Variants in TEKT5 observed in about 807,000 individuals in gnomAD.
TEKT5 encodes tektin 5.
Under a neutral mutation model 48.7 loss-of-function variants are expected in TEKT5, and 52 were observed. The ratio of observed to expected loss-of-function variants is 1.07; its 90% confidence interval spans 0.86 to 1.35. TEKT5 has a LOEUF of 1.35. TEKT5 is among the 40% of genes most tolerant of loss of function. TEKT5 has a pLI of 0.00. For synonymous variants in TEKT5, 318 were observed against 267.6 expected (o/e 1.19, Z -1.84); for missense variants, 831 against 641.6 (o/e 1.30, Z -3.19).
At chr16:10,662,148 T>C (rs993379574) in intron 5 of TEKT5, among the ~76,000 whole-genome samples, 3 of 152,218 alleles carry the variant, frequency 2.0e-5, no homozygotes, top group Admixed American at 2.0e-4. Context: ...CTGTGCACTG[T>C]GGGATGTTTG....
intron 6 of TEKT5, among the ~76,000 whole-genome samples, chr16:10,634,791 C>T (rs1418037488): frequency 6.6e-6 from 1 of 152,122 alleles, no homozygotes; most frequent in Non-Finnish European, 1.5e-5. Flanking sequence ...AGCCAACAGC[C>T]AGCAAAGAAC....
rs149143924 is a variant in TEKT5, at chr16:10,661,716, T to G, written c.1086+14243A>C. Among the ~76,000 whole-genome samples the G allele has an allele frequency of 4.0e-3, 605 of 152,328 alleles. 3 individuals carry two copies. The highest frequency in any genetic ancestry group is 6.0e-3 in the South Asian group (29 of 4,822). On this transcript the variant is annotated intron_variant, in intron 5 of 6. Coordinates refer to ENST00000283025, the MANE Select transcript of TEKT5 (RefSeq NM_144674.2). ...GAGGCCAGTGGTATTCGGATTCCAG[T>G]GTGCCCACCTCACTACAATCCAGAG...
chr16:10,687,695 G>C (rs1898888242), intron 3 of TEKT5, among the ~76,000 whole-genome samples: 1 of 152,274 alleles, frequency 6.6e-6, no homozygotes, highest in African/African-American at 2.4e-5. Flanking sequence ...GGAGGTTGCA[G>C]TGAGCTGAGC....
intron 5 of TEKT5, among the ~76,000 whole-genome samples, chr16:10,649,313 G>A (rs900590234): frequency 6.6e-6 from 1 of 152,130 alleles, no homozygotes; most frequent in Admixed American, 6.5e-5. Context: ...GTCTTGCTAT[G>A]TTGCCCAGGC....
chr16:10,676,054 T>G lies in TEKT5; in HGVS notation c.991A>C (p.Met331Leu), dbSNP rs1402611933. ...TTGGTGTCTGTGAACTGCCTCCACATCTGATCCGACAAGGTCTCAAAGAGG... is the reference window on the plus strand; with the variant it reads ...TTGGTGTCTGTGAACTGCCTCCACAGCTGATCCGACAAGGTCTCAAAGAGG... ...EHLFETLSDQMWRQFTDTNLA... is the reference protein window; with the variant it reads ...EHLFETLSDQLWRQFTDTNLA... The change falls in exon 5 of 7, where the codon ATG becomes CTG. Residue 331 changes from methionine (M) to leucine (L), a missense_variant. Met to Leu is a conservative substitution (Grantham distance 15, BLOSUM62 2). Transcript: ENST00000283025. The G allele has an allele frequency of 1.2e-6, 2 of 1,614,190 alleles. No individual in the cohort carries two copies. The highest frequency in any genetic ancestry group is 1.7e-6 in the Non-Finnish European group (2 of 1,180,034).
chr16:10,643,340 T>C (rs148710538), intron 5 of TEKT5, among the ~76,000 whole-genome samples: 38 of 151,906 alleles, frequency 2.5e-4, no homozygotes, highest in East Asian at 7.8e-4. Flanking sequence ...GATGGCACCA[T>C]TGCACTGCAG....
intron 5 of TEKT5, among the ~76,000 whole-genome samples, chr16:10,656,168 A>G (rs1208062534): frequency 6.6e-6 from 1 of 152,210 alleles, no homozygotes; most frequent in Non-Finnish European, 1.5e-5. Context: ...TTCCAGTGTG[A>G]CAACCAAAAT....
At chr16:10,667,908 C>T (rs138695907) in intron 5 of TEKT5, among the ~76,000 whole-genome samples, 2 of 150,810 alleles carry the variant, frequency 1.3e-5, no homozygotes, top group Admixed American at 1.3e-4. Flanking sequence ...GATGGAGACT[C>T]GCTCTGTCGC....
intron 6 of TEKT5, among the ~76,000 whole-genome samples, chr16:10,632,405 T>C (rs35908090): frequency 0.12 from 18,974 of 152,070 alleles, 1,925 homozygotes; most frequent in African/African-American, 0.27. Flanking sequence ...TTAAGCAATC[T>C]TCCTGCTTTA....
rs1567228410 is a variant in TEKT5 at position 10,652,787 on chromosome 16, CA to C, written c.1087-16870del. ...GCAAACACACACACACACACACACA[CA>C]CACACACCCTCCAGGCCAGGTAGAA... On this transcript the variant is annotated intron_variant, in intron 5 of 6. Transcript: ENST00000283025. Among the ~76,000 whole-genome samples the C allele has an allele frequency of 1.2e-3, 168 of 141,564 alleles. 5 individuals are homozygous for C. The highest frequency in any genetic ancestry group is 1.8e-3 in the Non-Finnish European group (117 of 65,526). 92.9% of individuals were successfully genotyped at this position (141,564 alleles called of 152,430 possible). A position where few individuals can be genotyped will look rare whatever the true frequency, so the allele number is the denominator to read the frequency against.
chr16:10,690,930 G>A (rs1029354115), intron 1 of TEKT5, among the ~76,000 whole-genome samples: 1 of 152,178 alleles, frequency 6.6e-6, no homozygotes, highest in Non-Finnish European at 1.5e-5. Flanking sequence ...AAGGATTTCC[G>A]GAGCCCCTTC....
intron 5 of TEKT5, among the ~76,000 whole-genome samples, chr16:10,662,018 C>CT (rs1019544799): frequency 5.3e-5 from 8 of 152,160 alleles, no homozygotes; most frequent in Non-Finnish European, 8.8e-5. Context: ...TATCTACTAT[C>CT]TTTTTTCCTT....
In TEKT5 at chr16:10,694,424, G is replaced by C; in HGVS notation, c.450C>G (p.Phe150Leu). Residue 150 changes from phenylalanine to leucine, a missense_variant, in exon 1 of 7, where the codon TTC (phenylalanine) becomes TTG (leucine). Physicochemically the swap from Phe to Leu is conservative, Grantham distance 22. Transcript: ENST00000283025. ...GCTCATAGCTCAGCTCTGACTTCCA[G>C]AAGCCAATGTCCGACAGCCTCTGGC... is the stretch of plus-strand genomic sequence containing the variant. ...NLGQRLSDIG[F>L]WKSELSYELD... The C allele has an allele frequency of 6.2e-7, 1 of 1,614,182 alleles. No homozygotes were observed. Among genetic ancestry groups the C allele is most frequent in the Non-Finnish European group, 8.5e-7 (1 of 1,180,044 alleles).
intron 5 of TEKT5, among the ~76,000 whole-genome samples, chr16:10,659,181 G>A (rs371948441): frequency 6.6e-6 from 1 of 152,172 alleles, no homozygotes; most frequent in African/African-American, 2.4e-5. Context: ...ATGACTGAGA[G>A]CCACTGAACT....
chr16:10,669,811 T>C (rs533092555), intron 5 of TEKT5, among the ~76,000 whole-genome samples: 1 of 152,166 alleles, frequency 6.6e-6, no homozygotes, highest in Non-Finnish European at 1.5e-5. Flanking sequence ...TCTGGAAGTT[T>C]CCAGGGCCCT....
Position 10,676,150 on chromosome 16 carries a change from T to C in TEKT5, c.895A>G (p.Ser299Gly), listed in dbSNP as rs1596415156. 6.2e-7 allele frequency: 1 copy of C among 1,614,212 alleles called. No individual in the cohort carries two copies. The highest frequency in any genetic ancestry group is 8.5e-7 in the Non-Finnish European group (1 of 1,180,036). The change falls in exon 5 of 7, where the codon AGT (serine) becomes GGT (glycine). Residue 299 changes from serine (S) to glycine (G), a missense_variant. By Grantham distance (56) the Ser-to-Gly change is moderately conservative (BLOSUM62 0). Transcript: ENST00000283025. The part of the protein sequence containing the change: ...ISVPETWAKF[S>G]NDNIKHSQNM... ...TGAGAGTGTTTGATGTTGTCGTTACTGAACTTGGCCCAGGTCTCAGGTACG... is the reference window on the plus strand; with the variant it reads ...TGAGAGTGTTTGATGTTGTCGTTACCGAACTTGGCCCAGGTCTCAGGTACG...
intron 5 of TEKT5, among the ~76,000 whole-genome samples, chr16:10,663,791 G>A (rs936821514): frequency 6.6e-6 from 1 of 152,202 alleles, no homozygotes; most frequent in Non-Finnish European, 1.5e-5. Flanking sequence ...AACCAAAAAT[G>A]TCTCCAGATA....
chr16:10,653,001 T>C (rs1407348545), intron 5 of TEKT5, among the ~76,000 whole-genome samples: 1 of 152,168 alleles, frequency 6.6e-6, no homozygotes, highest in African/African-American at 2.4e-5. Flanking sequence ...AGAGCTGGCA[T>C]CTCTCTGCCC....
intron 1 of TEKT5, 131 bp downstream of exon 1, chr16:10,694,179 T>C: frequency 1.3e-6 from 1 of 776,682 alleles, no homozygotes; most frequent in Non-Finnish European, 2.1e-6. Flanking sequence ...GTATTACTGA[T>C]CGTATTCGAT....
Sources: allele counts gnomAD v4.1 joint callset (sites outside exome capture counted in the v4.1 genomes callset), GRCh38; gene constraint gnomAD v4.1.1; transcripts MANE v1.5; gene names NCBI Gene and HGNC (gene_info 2026-07-23, HGNC 2026-07-21).